The following QRSL1 variants were observed in gnomAD, a reference collection of about 807,000 sequenced individuals.
QRSL1 encodes the protein glutaminyl-tRNA amidotransferase subunit QRSL1.
QRSL1 carries 54 observed loss-of-function variants against 61.6 expected under a neutral mutation model. That is an observed-to-expected ratio of 0.88 (90% CI 0.70 to 1.10). QRSL1 has a LOEUF of 1.10. Ranked by LOEUF, QRSL1 falls within the 50% of genes least tolerant of loss-of-function variation. The pLI is 0.00. For synonymous variants in QRSL1, 228 were observed against 225.7 expected (o/e 1.01, Z -0.09); for missense variants, 505 against 622.6 (o/e 0.81, Z 2.01).
chr6:106,668,295 T>C lies in QRSL1; in HGVS notation c.*2293T>C, dbSNP rs1032370007. The C allele has an allele frequency of 1.3e-5, 2 of 152,060 alleles. No individual in the cohort carries two copies. Among genetic ancestry groups the C allele is most frequent in the African/African-American group, 2.4e-5 (1 of 41,398 alleles). The allele number at this position is 152,060 out of a possible 1,614,324, so 9.4% of individuals were successfully genotyped here. ...GAAATGATACCTAATTTGTTTTTCTTTTCTCTTCATTTTTACTCTTAATCT... is the reference window on the plus strand; with the variant it reads ...GAAATGATACCTAATTTGTTTTTCTCTTCTCTTCATTTTTACTCTTAATCT... On this transcript the variant is annotated 3_prime_UTR_variant, in exon 11 of 11. Coordinates refer to ENST00000369046, the MANE Select transcript of QRSL1 (RefSeq NM_018292.5).
intron 1 of QRSL1, among the ~76,000 whole-genome samples, chr6:106,633,777 T>C (rs894269802): frequency 2.6e-5 from 4 of 152,154 alleles, no homozygotes; most frequent in African/African-American, 9.7e-5. Context: ...AAACTAATCA[T>C]TGTTCTATAG....
At chr6:106,645,877 G>A (rs6568448) in intron 4 of QRSL1, among the ~76,000 whole-genome samples, 100,926 of 152,102 alleles carry the variant, frequency 0.66, 33,811 homozygotes, top group African/African-American at 0.73. Context: ...TGGATTCTGT[G>A]GAATATTTTA....
intron 9 of QRSL1, among the ~76,000 whole-genome samples, chr6:106,662,102 C>T (rs1273026790): frequency 2.0e-5 from 3 of 152,048 alleles, no homozygotes; most frequent in Non-Finnish European, 4.4e-5. Flanking sequence ...TATGGTTACT[C>T]CTATGTCTGG....
intron 1 of QRSL1, among the ~76,000 whole-genome samples, chr6:106,639,123 T>TG (rs1562165068): frequency 1.7e-5 from 1 of 58,226 alleles, no homozygotes; most frequent in Non-Finnish European, 4.0e-5. Context: ...TTTGTTGTTT[T>TG]TTTTTTTTTT....
rs186486189 is a variant in QRSL1 at position 106,639,370 on chromosome 6, C to T, written c.25-979C>T. ...CCATCTCCTGACCTTGTGATCTACC[C>T]GCCTTGGCCTCCCAAAGTGCTGGGA... On this transcript the variant is annotated intron_variant, in intron 1 of 10. Transcript: ENST00000369046. Among the ~76,000 whole-genome samples, 11 of 152,112 alleles carry T rather than the reference C, an allele frequency of 7.2e-5. No individual in the cohort carries two copies. In the East Asian group the frequency reaches 1.5e-3, roughly 21 times the overall value.
intron 1 of QRSL1, among the ~76,000 whole-genome samples, chr6:106,637,940 G>A (rs932233648): frequency 2.6e-5 from 4 of 151,998 alleles, no homozygotes; most frequent in African/African-American, 9.7e-5. Flanking sequence ...ATGCAAATCG[G>A]CACCATTTAA....
rs1416643518 is a variant in QRSL1, at chr6:106,668,144, A to G, written c.*2142A>G. The G allele has an allele frequency of 6.6e-6, 1 of 152,126 alleles. No individual in the cohort carries two copies. The highest frequency in any genetic ancestry group is 2.4e-5 in the African/African-American group (1 of 41,390). 9.4% of individuals were successfully genotyped at this position (152,126 alleles called of 1,614,324 possible). ...ATTCAATGATATTATTCAGTATTCA[A>G]TATTATTTCAAATAATATTAAATCT... On this transcript the variant is annotated 3_prime_UTR_variant, in exon 11 of 11. Transcript: ENST00000369046.
At chr6:106,657,897 G>T (rs1020161497) in intron 9 of QRSL1, among the ~76,000 whole-genome samples, 1 of 152,056 alleles carries the variant, frequency 6.6e-6, no homozygotes, top group Non-Finnish European at 1.5e-5. Flanking sequence ...TAGAGATGGG[G>T]TTTCACCATA....
chr6:106,666,417 ACAGT>A lies in QRSL1; in HGVS notation c.*418_*421del. On this transcript the variant is annotated 3_prime_UTR_variant, in exon 11 of 11. Transcript: ENST00000369046. Reference sequence around the variant, plus strand: ...TTCTTGTAATTAGGTTCTTGTTAATACAGTCATTCCATGGAATTACTTTTTAAAA... The same window carrying A: ...TTCTTGTAATTAGGTTCTTGTTAATACATTCCATGGAATTACTTTTTAAAA... 1.3e-5 allele frequency: 1 copy of A among 76,858 alleles called. No homozygotes were observed. Among genetic ancestry groups the A allele is most frequent in the South Asian group, 2.2e-4 (1 of 4,578 alleles). The allele number at this position is 76,858 out of a possible 1,614,324, so 4.8% of individuals were successfully genotyped here. A position where few individuals can be genotyped will look rare whatever the true frequency, so the allele number is the denominator to read the frequency against.
rs1325630001 is a variant in QRSL1 at position 106,663,184 on chromosome 6, A to T, written c.1365A>T (p.Ala455=). The T allele has an allele frequency of 6.2e-7, 1 of 1,613,352 alleles. No homozygotes were observed. Among genetic ancestry groups the T allele is most frequent in the Non-Finnish European group, 8.5e-7 (1 of 1,179,422 alleles). ...TTTTTACACAAGCTGTAAATATGGC[A>T]GGTGAGGATTCCTCAGGAACATTCT... is the stretch of plus-strand genomic sequence containing the variant. ...DDIFTQAVNM[A]GLPAVSIPVA... The change falls in exon 10 of 11, where the codon GCA becomes GCT. Residue 455 remains alanine, a splice_region_variant and synonymous_variant. Coordinates refer to ENST00000369046, the MANE Select transcript of QRSL1 (RefSeq NM_018292.5).
Position 106,640,335 on chromosome 6 carries a change from T to G in QRSL1, c.25-14T>G. On this transcript the variant is annotated splice_polypyrimidine_tract_variant and intron_variant, in intron 1 of 10. Coordinates refer to ENST00000369046, the MANE Select transcript of QRSL1 (RefSeq NM_018292.5). ...CAGACTCAGTAAAAGGTTTTTGAAT[T>G]GTATACACTATAGGTTTCTGCGGCA... 6.2e-7 allele frequency: 1 copy of G among 1,604,024 alleles called. No individual in the cohort carries two copies. The highest frequency in any genetic ancestry group is 8.5e-7 in the Non-Finnish European group (1 of 1,174,070).
At chr6:106,659,513 C>A (rs1471679592) in intron 9 of QRSL1, among the ~76,000 whole-genome samples, 1 of 150,232 alleles carries the variant, frequency 6.7e-6, no homozygotes, top group Non-Finnish European at 1.5e-5. Flanking sequence ...ATGTTCTTAT[C>A]TACTCAGTAT....
Position 106,630,796 on chromosome 6 carries a change from C to A in QRSL1, c.24+1091C>A, listed in dbSNP as rs111820148. ...GTCGTTTTGTTTGTTTCCCAGCTGGCAGCGTGGAATTATAATTATAGATAG... is the reference window on the plus strand; with the variant it reads ...GTCGTTTTGTTTGTTTCCCAGCTGGAAGCGTGGAATTATAATTATAGATAG... On this transcript the variant is annotated intron_variant, in intron 1 of 10. Transcript: ENST00000369046. Among the ~76,000 whole-genome samples the A allele has an allele frequency of 2.9e-3, 442 of 152,210 alleles. 3 individuals are homozygous for A. The highest frequency in any genetic ancestry group is 0.01 in the African/African-American group (430 of 41,548).
chr6:106,657,499 A>C (rs1777290175), intron 9 of QRSL1, among the ~76,000 whole-genome samples: 1 of 152,150 alleles, frequency 6.6e-6, no homozygotes, highest in Admixed American at 6.5e-5. Flanking sequence ...TAACAGCATA[A>C]AAAGAAATTG....
chr6:106,655,774 T>C (rs1270479703), intron 9 of QRSL1, 42 bp downstream of exon 9: 2 of 1,174,030 alleles, frequency 1.7e-6, no homozygotes, highest in African/African-American at 3.0e-5. Context: ...TCTTGAAACC[T>C]CAAGTAACAT....
intron 3 of QRSL1, chr6:106,642,622 C>G: frequency 1.3e-6 from 1 of 773,016 alleles, no homozygotes; most frequent in South Asian, 1.3e-5. Context: ...ACAAGTGTTA[C>G]CATGGCAAAA....
chr6:106,663,303 T>C, intron 10 of QRSL1, 118 bp downstream of exon 10: 2 of 858,104 alleles, frequency 2.3e-6, no homozygotes, highest in South Asian at 1.6e-5. Context: ...CCTTTTGGAA[T>C]GCTTAGGAGT....
In QRSL1 at chr6:106,630,931, T is replaced by C. The variant is rs569366750; in HGVS notation, c.24+1226T>C. Reference sequence around the variant, plus strand: ...AATTGCGTCGAATCAAATTTGTTCTTTAAAAAATAAATATGCCCGGCGCGG... The same window carrying C: ...AATTGCGTCGAATCAAATTTGTTCTCTAAAAAATAAATATGCCCGGCGCGG... On this transcript the variant is annotated intron_variant, in intron 1 of 10. Transcript: ENST00000369046. Among the ~76,000 whole-genome samples, 474 of 152,286 alleles carry C rather than the reference T, an allele frequency of 3.1e-3. 6 individuals carry two copies. The highest frequency in any genetic ancestry group is 0.011 in the African/African-American group (455 of 41,558).
Position 106,666,101 on chromosome 6 carries a change from C to A in QRSL1, c.*99C>A. ...GGCCAAGGCGAGCGGATCATGAGGTCAGAAGATCTAGAACAGCCTGGTCAA... is the reference window on the plus strand; with the variant it reads ...GGCCAAGGCGAGCGGATCATGAGGTAAGAAGATCTAGAACAGCCTGGTCAA... On this transcript the variant is annotated 3_prime_UTR_variant, in exon 11 of 11. Transcript: ENST00000369046. 1.1e-6 allele frequency: 1 copy of A among 923,900 alleles called. No homozygotes were observed. The highest frequency in any genetic ancestry group is 1.7e-6 in the Non-Finnish European group (1 of 585,520). The allele number at this position is 923,900 out of a possible 1,614,324, so 57.2% of individuals were successfully genotyped here. A position where few individuals can be genotyped will look rare whatever the true frequency, so the allele number is the denominator to read the frequency against.
Sources: allele counts gnomAD v4.1 joint callset (sites outside exome capture counted in the v4.1 genomes callset), GRCh38; gene constraint gnomAD v4.1.1; transcripts MANE v1.5; gene names NCBI Gene and HGNC (gene_info 2026-07-23, HGNC 2026-07-21).